The following TMC6 variants were observed in gnomAD, a reference collection of about 807,000 sequenced individuals.
The protein encoded by TMC6 is transmembrane channel like 6, also known as transmembrane channel-like protein 6.
A neutral mutation model predicts 95.4 loss-of-function variants in TMC6; 71 were observed. The ratio of observed to expected loss-of-function variants is 0.74; its 90% CI spans 0.61 to 0.91. TMC6 has a LOEUF of 0.91. Ranked by LOEUF, TMC6 falls within the 40% of genes least tolerant of loss-of-function variation. The pLI, the probability that TMC6 is intolerant of heterozygous loss-of-function variation, is 0.00. For missense variants in TMC6, 1,074 were observed against 1,079.1 expected, an observed-to-expected ratio of 1.00 and a Z score of 0.07; for synonymous variants, 514 against 483.1, an observed-to-expected ratio of 1.06 and a Z score of -0.84.
chr17:78,114,418 C>T (rs558148836), intron 18 of TMC6, among the ~76,000 whole-genome samples: 34 of 152,272 alleles, frequency 2.2e-4, no homozygotes, highest in African/African-American at 5.1e-4. Context: ...TCCCCAGCCA[C>T]GCAACGTAAC....
Position 78,125,851 on chromosome 17 carries a change from T to TA in TMC6, c.304dup (p.Tyr102LeufsTer73). The TA allele has an allele frequency of 1.3e-6, 2 of 1,551,836 alleles. No homozygotes were observed. Among genetic ancestry groups the TA allele is most frequent in the Non-Finnish European group, 1.7e-6 (2 of 1,147,550 alleles). ...GCACCGAAGCTGCACCGTGCGGTTGTAGTACTGGGAGATGATGGCACCTCG... is the reference window on the plus strand; with the variant it reads ...GCACCGAAGCTGCACCGTGCGGTTGTAAGTACTGGGAGATGATGGCACCTCG... On this transcript the variant is annotated frameshift_variant, in exon 5 of 20. Transcript: ENST00000590602. LOFTEE classifies it high-confidence loss of function.
In TMC6 at chr17:78,109,606, G is replaced by A. The variant is rs997146110; in HGVS notation, c.*3542C>T. On this transcript the variant is annotated 3_prime_UTR_variant, in exon 20 of 20. Coordinates refer to ENST00000590602, the MANE Select transcript of TMC6 (RefSeq NM_001127198.5). ...TGATCGTGCCACTGTGCTCCGGGAT[G>A]GGCAACAGAAAGACCCCATCTCAAA... 18 of 453,972 alleles carry A rather than the reference G, an allele frequency of 4.0e-5. No homozygotes were observed. The highest frequency in any genetic ancestry group is 3.6e-4 in the African/African-American group (18 of 49,900). 28.1% of individuals were successfully genotyped at this position (453,972 alleles called of 1,614,324 possible).
chr17:78,113,181 G>A lies in TMC6; in HGVS notation c.2385C>T (p.Pro795=), dbSNP rs1342706031. The change falls in exon 20 of 20, where the codon CCC becomes CCT. Residue 795 remains proline, a synonymous_variant. Transcript: ENST00000590602. ...RVGTTEEAAA[P]PALLTDEQDA is the part of the protein sequence containing the mutation. Reference sequence around the variant, plus strand: ...CCTGTTCATCTGTGAGCAGGGCAGGGGGTGCCGCAGCCTCCTCGGTTGTCC... The same window carrying A: ...CCTGTTCATCTGTGAGCAGGGCAGGAGGTGCCGCAGCCTCCTCGGTTGTCC... 1 of 1,558,530 alleles carries A rather than the reference G, an allele frequency of 6.4e-7. No homozygotes were observed. The highest frequency in any genetic ancestry group is 8.7e-7 in the Non-Finnish European group (1 of 1,150,204).
In TMC6 at chr17:78,121,585, C is replaced by T. The variant is rs1416275599; in HGVS notation, c.1354G>A (p.Val452Ile). 9 of 1,611,492 alleles carry T rather than the reference C, an allele frequency of 5.6e-6. No individual in the cohort carries two copies. Among genetic ancestry groups the T allele is most frequent in the South Asian group, 2.2e-5 (2 of 91,022 alleles). Reference protein sequence around the residue: ...LGTALGCAVAVHVFSEFMIQS... With the variant: ...LGTALGCAVAIHVFSEFMIQS... ...ATCATGAACTCCGAGAAGACGTGGA[C>T]GGCCACGGCGCAGCCCAGCGCGGTC... Residue 452 changes from valine (V) to isoleucine (I), a missense_variant, in exon 11 of 20, where the codon GTC becomes ATC. By Grantham distance (29) the Val-to-Ile change is conservative. Coordinates refer to ENST00000590602, the MANE Select transcript of TMC6 (RefSeq NM_001127198.5). This position sits in a 1 kb window ranked among gnomAD's most constrained non-coding sequence, Gnocchi z 5.6.
In TMC6 at chr17:78,117,880, A is replaced by T. The variant is rs745583859; in HGVS notation, c.1943T>A (p.Met648Lys). 1.9e-6 allele frequency: 3 copies of T among 1,607,262 alleles called. No homozygotes were observed. The highest frequency in any genetic ancestry group is 1.7e-5 in the Admixed American group (1 of 59,066). The change falls in exon 16 of 20, where the codon ATG (methionine) becomes AAG (lysine). Residue 648 changes from methionine to lysine, a missense_variant. Coordinates refer to ENST00000590602, the MANE Select transcript of TMC6 (RefSeq NM_001127198.5). ...GAGCAGCGTGAGGAAGACGGTGCTC[A>T]TGTGTGAGGCCAGCCAGGGCCGGCG... is the stretch of plus-strand genomic sequence containing the variant. Reference protein sequence around the residue: ...APRRPWLASHMSTVFLTLLCF... With the variant: ...APRRPWLASHKSTVFLTLLCF...
At position 78,110,162 on chromosome 17, in the gene TMC6, G is replaced by GTGTTTTTT; in HGVS notation, c.*2978_*2985dup. 6.5e-6 allele frequency: 1 copy of GTGTTTTTT among 153,004 alleles called. No homozygotes were observed. Among genetic ancestry groups the GTGTTTTTT allele is most frequent in the Non-Finnish European group, 1.5e-5 (1 of 68,638 alleles). The allele number at this position is 153,004 out of a possible 1,614,324, so 9.5% of individuals were successfully genotyped here. A position where few individuals can be genotyped will look rare whatever the true frequency, so the allele number is the denominator to read the frequency against. ...CTCTCGGGGTGGGCCTCAGGCACCA[G>GTGTTTTTT]TGTTTTTTTGTTTGTTGGGACAGGG... On this transcript the variant is annotated 3_prime_UTR_variant, in exon 20 of 20. Transcript: ENST00000590602.
chr17:78,117,447 GCC>G lies in TMC6; in HGVS notation c.2198+19_2198+20del. ...CAGCGAGGGCCATCTCCCCAGGGCC[GCC>G]CCCACCTGCGGGACTCACAGCAGCA... On this transcript the variant is annotated intron_variant, in intron 17 of 19. Transcript: ENST00000590602. 1 of 1,609,974 alleles carries G rather than the reference GCC, an allele frequency of 6.2e-7. No individual in the cohort carries two copies. The highest frequency in any genetic ancestry group is 8.5e-7 in the Non-Finnish European group (1 of 1,179,082).
At chr17:78,117,198 G>A (rs553198913) in intron 18 of TMC6, 71 bp downstream of exon 18, 165 of 1,529,520 alleles carry the variant, frequency 1.1e-4, no homozygotes, top group Admixed American at 4.7e-4. Flanking sequence ...GTACAGGGGA[G>A]TGGAGGGGAG....
upstream of TMC6, chr17:78,128,908 T>G (rs1433947261): frequency 6.6e-6 from 1 of 150,780 alleles, no homozygotes; most frequent in Non-Finnish European, 1.5e-5. This position sits in a 1 kb window ranked among gnomAD's most constrained non-coding sequence, Gnocchi z 4.0. Context: ...CCTGCCAACT[T>G]CCGACCCCTC....
chr17:78,131,204 G>A (rs1232952745), upstream of TMC6: 1 of 362,388 alleles, frequency 2.8e-6, no homozygotes, highest in African/African-American at 2.2e-5. Flanking sequence ...GATGCGGGGT[G>A]CAGCAGGTCT....
chr17:78,120,535 G>A (rs566372566), intron 13 of TMC6, 118 bp downstream of exon 13: 6 of 1,436,998 alleles, frequency 4.2e-6, no homozygotes, highest in East Asian at 2.3e-5. Context: ...GTCTTCCTCT[G>A]AAGGGTGGAG....
At position 78,109,166 on chromosome 17, in the gene TMC6, G is replaced by A. The variant is rs367669503; in HGVS notation, c.*3982C>T. 7 of 313,778 alleles carry A rather than the reference G, an allele frequency of 2.2e-5. No homozygotes were observed. In the East Asian group the frequency reaches 3.5e-4, roughly 16 times the overall value. 19.4% of individuals were successfully genotyped at this position (313,778 alleles called of 1,614,324 possible). A position where few individuals can be genotyped will look rare whatever the true frequency, so the allele number is the denominator to read the frequency against. ...GCAACATCACGGCAGAACGGTAAAG[G>A]CAGAAAGCACAGTGCCCAGCAGCTA... is the stretch of plus-strand genomic sequence containing the variant. On this transcript the variant is annotated 3_prime_UTR_variant, in exon 20 of 20. Transcript: ENST00000590602.
At chr17:78,119,537 G>T in intron 13 of TMC6, 145 bp from the exon 14 acceptor site, 2 of 837,380 alleles carry the variant, frequency 2.4e-6, no homozygotes, top group Non-Finnish European at 3.9e-6. Context: ...ACAGCCACCA[G>T]CCTGGGGGAC....
At position 78,112,419 on chromosome 17, in the gene TMC6, C is replaced by G. The variant is rs1481930884; in HGVS notation, c.*729G>C. On this transcript the variant is annotated 3_prime_UTR_variant, in exon 20 of 20. Transcript: ENST00000590602. ...CGGTATCCCACGGGCTCCTCAAACT[C>G]AGCCCAGTCAGACCCAGGATCACCA... is the stretch of plus-strand genomic sequence containing the variant. 2 of 167,198 alleles carry G rather than the reference C, an allele frequency of 1.2e-5. No individual in the cohort carries two copies. Among genetic ancestry groups the G allele is most frequent in the Non-Finnish European group, 2.6e-5 (2 of 76,352 alleles). The allele number at this position is 167,198 out of a possible 1,614,324, so 10.4% of individuals were successfully genotyped here.
chr17:78,121,096 C>T lies in TMC6; in HGVS notation c.1452G>A (p.Leu484=). 1 of 1,612,482 alleles carries T rather than the reference C, an allele frequency of 6.2e-7. No homozygotes were observed. The highest frequency in any genetic ancestry group is 8.5e-7 in the Non-Finnish European group (1 of 1,179,726). ...GGACACGGCACAGGTAGGGGGCCCC[C>T]AGGTTGAGGAGGCCAACCACCAGGG... ...VLPLVVGLLN[L]GAPYLCRVLA... The change falls in exon 12 of 20, where the codon CTG becomes CTA. Residue 484 remains leucine, a synonymous_variant. Transcript: ENST00000590602. The surrounding 1 kb of genome is among the most constrained non-coding windows in gnomAD (Gnocchi z 5.6).
intron 13 of TMC6, chr17:78,119,652 T>G (rs2074310794): frequency 1.9e-6 from 1 of 528,808 alleles, no homozygotes; most frequent in Non-Finnish European, 3.4e-6. Flanking sequence ...TTTTCTTTTT[T>G]GAAACAGGGT....
rs573159814 is a variant in TMC6, at chr17:78,113,029, G to C, written c.*119C>G. ...CCCTTCCAGCTCCAGCCTAGGCGCA[G>C]CTGCGGCTTTCGAGAGGCGAAACTG... On this transcript the variant is annotated 3_prime_UTR_variant, in exon 20 of 20. Coordinates refer to ENST00000590602, the MANE Select transcript of TMC6 (RefSeq NM_001127198.5). 3.3e-6 allele frequency: 4 copies of C among 1,223,524 alleles called. No homozygotes were observed. In the Admixed American group the frequency reaches 6.1e-5, roughly 19 times the overall value. 75.8% of individuals were successfully genotyped at this position (1,223,524 alleles called of 1,614,324 possible). A position where few individuals can be genotyped will look rare whatever the true frequency, so the allele number is the denominator to read the frequency against.
chr17:78,121,143 C>T lies in TMC6; in HGVS notation c.1405G>A (p.Glu469Lys). The T allele has an allele frequency of 1.9e-6, 3 of 1,601,484 alleles. No individual in the cohort carries two copies. The highest frequency in any genetic ancestry group is 2.6e-6 in the Non-Finnish European group (3 of 1,174,848). Residue 469 changes from glutamate (E) to lysine (K), a missense_variant, in exon 12 of 20, where the codon GAG becomes AAG. By Grantham distance (56) the Glu-to-Lys change is moderately conservative (BLOSUM62 1). Coordinates refer to ENST00000590602, the MANE Select transcript of TMC6 (RefSeq NM_001127198.5). This position sits in a 1 kb window ranked among gnomAD's most constrained non-coding sequence, Gnocchi z 5.6. ...AGGGGCAGGACCAGCAGCACAGCCT[C>T]CTGGCCAGCAGCCTCTGGACTCTGC... ...MIQSPEAAGQ[E>K]AVLLVLPLVV... is the part of the protein sequence containing the mutation.
At chr17:78,118,004 C>T in intron 15 of TMC6, 69 bp from the exon 16 acceptor site, 3 of 1,555,580 alleles carry the variant, frequency 1.9e-6, no homozygotes, top group South Asian at 2.4e-5. Flanking sequence ...CCTGGGGGAG[C>T]TCAAGAGGGA....
Sources: gnomAD v4.1 joint callset for allele counts (sites outside exome capture counted in the v4.1 genomes callset) on GRCh38, gnomAD v4.1.1 for gene constraint, Gnocchi (gnomAD v3.1) non-coding constraint, MANE v1.5 for transcripts, NCBI Gene and HGNC (gene_info 2026-07-23, HGNC 2026-07-21) for gene names.